Variants in ALDH4A1 observed in about 807,000 individuals in gnomAD.
ALDH4A1 encodes delta-1-pyrroline-5-carboxylate dehydrogenase, mitochondrial.
In ALDH4A1, 46 loss-of-function variants were observed where a neutral mutation model predicts 70.5. The ratio of observed to expected loss-of-function variants is 0.65; its 90% CI spans 0.51 to 0.83. The LOEUF (loss-of-function observed/expected upper bound fraction) is 0.83. ALDH4A1 is among the 40% of genes least tolerant of loss of function. The probability of loss-of-function intolerance (pLI) is 0.00; values close to 1 mark genes in which losing one functional copy is unlikely to be tolerated. For synonymous variants in ALDH4A1, 323 were observed against 324.3 expected, an observed-to-expected ratio of 1.00 and a Z score of 0.04; for missense variants, 749 against 766.5, an observed-to-expected ratio of 0.98 and a Z score of 0.27.
At chr1:18,899,448 T>A (rs1050510089) in intron 1 of ALDH4A1, among the ~76,000 whole-genome samples, 5 of 152,324 alleles carry the variant, frequency 3.3e-5, no homozygotes, top group African/African-American at 1.2e-4. Flanking sequence ...TGAACTCTTA[T>A]AAGCCTACTA....
rs188179076 is a variant in ALDH4A1 at position 18,887,395 on chromosome 1, C to T, written c.250-884G>A. Among the ~76,000 whole-genome samples, 302 of 152,316 alleles carry T rather than the reference C, an allele frequency of 2.0e-3. 6 individuals carry two copies. The highest frequency in any genetic ancestry group is 0.016 in the South Asian group (79 of 4,830). On this transcript the variant is annotated intron_variant, in intron 3 of 14. Transcript: ENST00000375341. ...CGGGCGGATCACAAGGTCAGGAGAT[C>T]GAGACCATCCTGGCTAACATGGTGA...
At chr1:18,883,040 A>G in intron 7 of ALDH4A1, 84 bp downstream of exon 7, 1 of 1,575,382 alleles carries the variant, frequency 6.3e-7, no homozygotes, top group Non-Finnish European at 8.7e-7. Context: ...GCTGAGACCC[A>G]AGGGGCTCAG....
chr1:18,885,363 A>G (rs1935151116), intron 5 of ALDH4A1, 110 bp downstream of exon 5: 4 of 1,170,102 alleles, frequency 3.4e-6, no homozygotes, highest in East Asian at 5.1e-5. Flanking sequence ...TGGGTCCCCA[A>G]AAGGGCTTAG....
chr1:18,874,379 A>G, intron 14 of ALDH4A1, 84 bp downstream of exon 14: 1 of 1,280,752 alleles, frequency 7.8e-7, no homozygotes, highest in South Asian at 1.2e-5. Context: ...TATCCTTCCT[A>G]TTACTCTGAA....
intron 5 of ALDH4A1, 134 bp from the exon 6 acceptor site, chr1:18,883,562 C>G (rs924102188): frequency 1.0e-5 from 13 of 1,266,562 alleles, no homozygotes; most frequent in South Asian, 2.6e-5. Context: ...GGAGGGCTCA[C>G]CAGGTCCCAT....
chr1:18,872,734 T>C lies in ALDH4A1; in HGVS notation c.*111A>G. The C allele has an allele frequency of 3.8e-6, 3 of 798,126 alleles. No individual in the cohort carries two copies. The highest frequency in any genetic ancestry group is 1.7e-5 in the African/African-American group (1 of 58,966). The allele number at this position is 798,126 out of a possible 1,614,324, so 49.4% of individuals were successfully genotyped here. On this transcript the variant is annotated 3_prime_UTR_variant, in exon 15 of 15. Transcript: ENST00000375341. ...TAAGAAGGGAGTCAAGCCCGGATTA[T>C]AGAAAGGCAGCTGTGCATGAAGAAG...
chr1:18,877,483 G>A lies in ALDH4A1; in HGVS notation c.1070C>T (p.Pro357Leu), dbSNP rs758300845. The A allele has an allele frequency of 5.6e-6, 9 of 1,601,030 alleles. No homozygotes were observed. Among genetic ancestry groups the A allele is most frequent in the Admixed American group, 1.7e-5 (1 of 58,520 alleles). ...TTTGATCTGCGGCCACAGCGAGTGC[G>A]GCACGTAGAGACGCGAGCACGCGGA... ...KCSACSRLYVPHSLWPQIKGR... is the reference protein window; with the variant it reads ...KCSACSRLYVLHSLWPQIKGR... The change falls in exon 10 of 15, where the codon CCG (proline) becomes CTG (leucine). Residue 357 changes from proline to leucine, a missense_variant. Coordinates refer to ENST00000375341, the MANE Select transcript of ALDH4A1 (RefSeq NM_003748.4).
Position 18,893,469 on chromosome 1 carries a change from G to A in ALDH4A1, c.63-3364C>T, listed in dbSNP as rs186102415. ...CATTAACTTCATGATCCTGGAAAGC[G>A]TCACACAAAGAACAATGCACAGCAA... On this transcript the variant is annotated intron_variant, in intron 1 of 14. Transcript: ENST00000375341. 5.3e-5 allele frequency among the ~76,000 whole-genome samples: 8 copies of A among 152,132 alleles called. No homozygotes were observed. The East Asian group carries it at 5.8e-4, about 11-fold the overall frequency.
chr1:18,893,589 G>C (rs946647245), intron 1 of ALDH4A1, among the ~76,000 whole-genome samples: 2 of 151,774 alleles, frequency 1.3e-5, no homozygotes, highest in Non-Finnish European at 2.9e-5. Flanking sequence ...TGCAACCTCC[G>C]CCTCCCGAAT....
In ALDH4A1 at chr1:18,877,579, C is replaced by G. The variant is rs1272594909; in HGVS notation, c.974G>C (p.Arg325Pro). 3.1e-6 allele frequency: 5 copies of G among 1,610,902 alleles called. No homozygotes were observed. Among genetic ancestry groups the G allele is most frequent in the South Asian group, 1.1e-5 (1 of 90,898 alleles). The change falls in exon 10 of 15, where the codon CGC (arginine) becomes CCC (proline). Residue 325 changes from arginine to proline, a missense_variant. Arg to Pro is a moderately radical substitution (Grantham distance 103). Transcript: ENST00000375341. ...CACCACGCTCTCCACGTCGGCCGAG[C>G]GGTGCACGAAGTGGAAGTTCTTTCC... ...CGGKNFHFVH[R>P]SADVESVVSG...
Position 18,883,163 on chromosome 1 carries a change from A to T in ALDH4A1, c.639T>A (p.Thr213=). 2 of 1,613,200 alleles carry T rather than the reference A, an allele frequency of 1.2e-6. No individual in the cohort carries two copies. Among genetic ancestry groups the T allele is most frequent in the Non-Finnish European group, 1.7e-6 (2 of 1,180,040 alleles). The part of the protein sequence containing the change: ...FVAAISPFNF[T]AIGGNLAGAP... Reference sequence around the variant, plus strand: ...CCCCCGCCAGGTTGCCGCCGATTGCAGTGAAGTTAAAGGGCGAGATGGCCG... The same window carrying T: ...CCCCCGCCAGGTTGCCGCCGATTGCTGTGAAGTTAAAGGGCGAGATGGCCG... The change falls in exon 7 of 15, where the codon ACT becomes ACA. Residue 213 remains threonine, a synonymous_variant. Transcript: ENST00000375341.
chr1:18,889,884 C>T (rs1935367542), intron 2 of ALDH4A1, 128 bp downstream of exon 2: 2 of 850,080 alleles, frequency 2.4e-6, no homozygotes, highest in Admixed American at 5.0e-5. Flanking sequence ...CCCAGGCTTC[C>T]ACCCAAGGCT....
intron 2 of ALDH4A1, 75 bp from the exon 3 acceptor site, chr1:18,889,529 C>A: frequency 7.4e-7 from 1 of 1,351,782 alleles, no homozygotes; most frequent in Non-Finnish European, 1.0e-6. Context: ...AACGCAGAGT[C>A]CACAGACGGA....
intron 8 of ALDH4A1, among the ~76,000 whole-genome samples, chr1:18,879,604 G>T (rs1934883637): frequency 6.6e-6 from 1 of 152,158 alleles, no homozygotes. Context: ...GGACACTAAG[G>T]GCTGTGTGAT....
intron 1 of ALDH4A1, among the ~76,000 whole-genome samples, chr1:18,894,486 T>G (rs1170491965): frequency 6.6e-6 from 1 of 152,222 alleles, no homozygotes; most frequent in Non-Finnish European, 1.5e-5. Flanking sequence ...GAGGTAGCAG[T>G]GAGCCCAGAT....
chr1:18,886,542 C>A, intron 3 of ALDH4A1, 31 bp from the exon 4 acceptor site: 1 of 1,612,318 alleles, frequency 6.2e-7, no homozygotes, highest in Non-Finnish European at 8.5e-7. Flanking sequence ...GGTCCTTGCC[C>A]GGGAGGGAGG....
chr1:18,884,320 G>T (rs1364364275), intron 5 of ALDH4A1, among the ~76,000 whole-genome samples: 2 of 151,920 alleles, frequency 1.3e-5, no homozygotes. Flanking sequence ...CAGCAGAGGG[G>T]GCGCTCACCA....
At position 18,885,567 on chromosome 1, in the gene ALDH4A1, G is replaced by C; in HGVS notation, c.359C>G (p.Pro120Arg). 1.2e-6 allele frequency: 2 copies of C among 1,613,622 alleles called. No individual in the cohort carries two copies. Among genetic ancestry groups the C allele is most frequent in the Non-Finnish European group, 1.7e-6 (2 of 1,179,910 alleles). ...GAAGATCTGGGCCCGGTCTGCAATA[G>C]GCTTCAGGTCCCACTCTTTCCGGGC... is the stretch of plus-strand genomic sequence containing the variant. Reference protein sequence around the residue: ...LAARKEWDLKPIADRAQIFLK... With the variant: ...LAARKEWDLKRIADRAQIFLK... The change falls in exon 5 of 15, where the codon CCT becomes CGT. Residue 120 changes from proline (P) to arginine (R), a missense_variant. By Grantham distance (103) the Pro-to-Arg change is moderately radical. Transcript: ENST00000375341.
chr1:18,894,800 G>C (rs142217915), intron 1 of ALDH4A1, among the ~76,000 whole-genome samples: 1 of 151,754 alleles, frequency 6.6e-6, no homozygotes, highest in Admixed American at 6.6e-5. Flanking sequence ...AGCCTGAGTC[G>C]ACTGCAGCTA....
Sources: allele counts gnomAD v4.1 joint callset (sites outside exome capture counted in the v4.1 genomes callset), GRCh38; gene constraint gnomAD v4.1.1; transcripts MANE v1.5; gene names NCBI Gene and HGNC (gene_info 2026-07-23, HGNC 2026-07-21).